The following SLC25A4 variants were observed in gnomAD, a reference collection of about 807,000 sequenced individuals.
The protein encoded by SLC25A4 is ADP/ATP translocase 1.
Under a neutral mutation model 24.7 loss-of-function variants are expected in SLC25A4, and 10 were observed. The observed-to-expected ratio is 0.41, with a 90% CI of 0.25 to 0.69. SLC25A4 has a LOEUF of 0.69. Ranked by LOEUF, SLC25A4 falls within the 30% of genes least tolerant of loss-of-function variation. The pLI is 0.35. For synonymous variants in SLC25A4, 125 were observed against 153.3 expected (o/e 0.82, Z 1.36); for missense variants, 273 against 387.6 (o/e 0.70, Z 2.48).
chr4:185,144,000 T>G, intron 1 of SLC25A4, among the ~76,000 whole-genome samples: 1 of 152,226 alleles, frequency 6.6e-6, no homozygotes, highest in Admixed American at 6.5e-5. Context: ...AAGCTGAGGT[T>G]TTGAAATATT....
rs1734414035 is a variant in SLC25A4, at chr4:185,145,069, C to T, written c.417C>T (p.Thr139=). The T allele has an allele frequency of 5.0e-6, 8 of 1,613,898 alleles. No individual in the cohort carries two copies. Among genetic ancestry groups the T allele is most frequent in the Non-Finnish European group, 6.8e-6 (8 of 1,179,924 alleles). The change falls in exon 2 of 4, where the codon ACC becomes ACT. Residue 139 remains threonine, a synonymous_variant. Transcript: ENST00000281456. This position sits in a 1 kb window ranked among gnomAD's most constrained non-coding sequence, Gnocchi z 5.5. The part of the protein sequence containing the change: ...CFVYPLDFAR[T]RLAADVGKGA... The stretch of plus-strand genomic sequence containing the variant: ...TCTACCCGCTGGACTTTGCTAGGAC[C>T]AGGTTGGCTGCTGATGTGGGCAAGG...
In SLC25A4 at chr4:185,143,433, G is replaced by T. The variant is rs1450971790; in HGVS notation, c.61G>T (p.Val21Phe). ...CCTGGCCGGGGGCGTCGCCGCTGCCGTCTCCAAGACCGCGGTCGCCCCCAT... is the reference window on the plus strand; with the variant it reads ...CCTGGCCGGGGGCGTCGCCGCTGCCTTCTCCAAGACCGCGGTCGCCCCCAT... ...DFLAGGVAAA[V>F]SKTAVAPIER... Residue 21 changes from valine (V) to phenylalanine (F), a missense_variant, in exon 1 of 4, where the codon GTC (valine) becomes TTC (phenylalanine). Physicochemically the swap from Val to Phe is conservative, Grantham distance 50 (BLOSUM62 -1). Transcript: ENST00000281456. 1.3e-6 allele frequency: 2 copies of T among 1,519,104 alleles called. No individual in the cohort carries two copies. The highest frequency in any genetic ancestry group is 2.1e-5 in the Admixed American group (1 of 48,096). 94.1% of individuals were successfully genotyped at this position (1,519,104 alleles called of 1,614,324 possible). A position where few individuals can be genotyped will look rare whatever the true frequency, so the allele number is the denominator to read the frequency against.
In SLC25A4 at chr4:185,146,846, T is replaced by C; in HGVS notation, c.772T>C (p.Trp258Arg). Residue 258 changes from tryptophan to arginine, a missense_variant, in exon 4 of 4, where the codon TGG becomes CGG. By Grantham distance (101) the Trp-to-Arg change is moderately radical. Coordinates refer to ENST00000281456, the MANE Select transcript of SLC25A4 (RefSeq NM_001151.4). The stretch of plus-strand genomic sequence containing the variant: ...TATGTACACGGGGACAGTTGACTGC[T>C]GGAGGAAGATTGCAAAAGACGAAGG... ...DIMYTGTVDC[W>R]RKIAKDEGAK... The C allele has an allele frequency of 6.2e-7, 1 of 1,614,246 alleles. No individual in the cohort carries two copies. Among genetic ancestry groups the C allele is most frequent in the Non-Finnish European group, 8.5e-7 (1 of 1,180,026 alleles).
rs1359924064 is a variant in SLC25A4, at chr4:185,143,279, C to G, written c.-94C>G. ...GGGCCAGGCGGCGGCCCCCTAGCGT[C>G]GCGCAGGGTCGGGGACTGCGCGGCG... On this transcript the variant is annotated 5_prime_UTR_variant, in exon 1 of 4. Transcript: ENST00000281456. 2.6e-5 allele frequency: 17 copies of G among 661,758 alleles called. No individual in the cohort carries two copies. The highest frequency in any genetic ancestry group is 4.2e-5 in the Non-Finnish European group (16 of 380,338). The allele number at this position is 661,758 out of a possible 1,614,324, so 41.0% of individuals were successfully genotyped here. A position where few individuals can be genotyped will look rare whatever the true frequency, so the allele number is the denominator to read the frequency against.
chr4:185,144,291 T>TAATAGAGGA (rs1734397989), intron 1 of SLC25A4, among the ~76,000 whole-genome samples: 1 of 152,192 alleles, frequency 6.6e-6, no homozygotes, highest in African/African-American at 2.4e-5. Flanking sequence ...TTCTCCTTCC[T>TAATAGAGGA]CTATTAGAGC....
At position 185,149,871 on chromosome 4, in the gene SLC25A4, A is replaced by C. The variant is rs1734508574; in HGVS notation, c.*2900A>C. Reference sequence around the variant, plus strand: ...CCTTATTTTGTATTTTAAATGTATGAGAAAAATTATGGAGGATGATGCAAG... The same window carrying C: ...CCTTATTTTGTATTTTAAATGTATGCGAAAAATTATGGAGGATGATGCAAG... On this transcript the variant is annotated 3_prime_UTR_variant, in exon 4 of 4. Coordinates refer to ENST00000281456, the MANE Select transcript of SLC25A4 (RefSeq NM_001151.4). The C allele has an allele frequency of 2.0e-5, 3 of 152,232 alleles. No homozygotes were observed. The allele number at this position is 152,232 out of a possible 1,614,324, so 9.4% of individuals were successfully genotyped here. A position where few individuals can be genotyped will look rare whatever the true frequency, so the allele number is the denominator to read the frequency against.
At position 185,145,184 on chromosome 4, in the gene SLC25A4, A is replaced by T. The variant is rs770164502; in HGVS notation, c.532A>T (p.Asn178Tyr). The T allele has an allele frequency of 6.2e-7, 1 of 1,614,090 alleles. No homozygotes were observed. The highest frequency in any genetic ancestry group is 1.1e-5 in the South Asian group (1 of 91,070). ...CCTGAGGGGGCTCTACCAGGGTTTC[A>T]ACGTCTCTGTCCAAGGCATCATTAT... Reference protein sequence around the residue: ...DGLRGLYQGFNVSVQGIIIYR... With the variant: ...DGLRGLYQGFYVSVQGIIIYR... The change falls in exon 2 of 4, where the codon AAC (asparagine) becomes TAC (tyrosine). Residue 178 changes from asparagine to tyrosine, a missense_variant. Transcript: ENST00000281456. The surrounding 1 kb of genome is among the most constrained non-coding windows in gnomAD (Gnocchi z 5.5).
chr4:185,143,533 GGGGCGCGCGATGCGGCGCGAGCTGCA>G, intron 1 of SLC25A4, 50 bp downstream of exon 1: 1 of 828,524 alleles, frequency 1.2e-6, no homozygotes, highest in Non-Finnish European at 1.5e-6. Flanking sequence ...CGGGCCGGGC[GGGGCGCGCGATGCGGCGCGAGCTGCA>G]GGGCGCGGGG....
Position 185,147,025 on chromosome 4 carries a change from C to G in SLC25A4, c.*54C>G. 6.5e-7 allele frequency: 1 copy of G among 1,528,630 alleles called. No individual in the cohort carries two copies. The highest frequency in any genetic ancestry group is 9.0e-7 in the Non-Finnish European group (1 of 1,107,474). The allele number at this position is 1,528,630 out of a possible 1,614,324, so 94.7% of individuals were successfully genotyped here. On this transcript the variant is annotated 3_prime_UTR_variant, in exon 4 of 4. Transcript: ENST00000281456. ...ACAGTGAACTTGATCTACAAGTTCA[C>G]AGATCCATTGTGTGGTTTAATAGAC... is the stretch of plus-strand genomic sequence containing the variant.
rs986478581 is a variant in SLC25A4 at position 185,149,800 on chromosome 4, T to C, written c.*2829T>C. On this transcript the variant is annotated 3_prime_UTR_variant, in exon 4 of 4. Coordinates refer to ENST00000281456, the MANE Select transcript of SLC25A4 (RefSeq NM_001151.4). ...CCCACCCCAATCACCTTTAGGTATTTTCTCCCCTAAAGCCTCACCTGTTGG... is the reference window on the plus strand; with the variant it reads ...CCCACCCCAATCACCTTTAGGTATTCTCTCCCCTAAAGCCTCACCTGTTGG... 3 of 152,246 alleles carry C rather than the reference T, an allele frequency of 2.0e-5. No homozygotes were observed. Among genetic ancestry groups the C allele is most frequent in the African/African-American group, 7.2e-5 (3 of 41,458 alleles). 9.4% of individuals were successfully genotyped at this position (152,246 alleles called of 1,614,324 possible). A position where few individuals can be genotyped will look rare whatever the true frequency, so the allele number is the denominator to read the frequency against.
Position 185,150,349 on chromosome 4 carries a change from A to G in SLC25A4, c.*3378A>G, listed in dbSNP as rs1339718654. On this transcript the variant is annotated 3_prime_UTR_variant, in exon 4 of 4. Transcript: ENST00000281456. ...AAAACTTACGGCTGCCTTAAATGCA[A>G]ATGTCAAGCCCTTAAATAAAATTTA... The G allele has an allele frequency of 2.0e-5, 3 of 152,234 alleles. No individual in the cohort carries two copies. The highest frequency in any genetic ancestry group is 3.8e-4 in the East Asian group (2 of 5,206). The allele number at this position is 152,234 out of a possible 1,614,324, so 9.4% of individuals were successfully genotyped here.
Position 185,143,268 on chromosome 4 carries a change from C to A in SLC25A4, c.-105C>A, listed in dbSNP as rs962364101. ...GGGGGAGCTGCGGGCCAGGCGGCGGCCCCCTAGCGTCGCGCAGGGTCGGGG... is the reference window on the plus strand; with the variant it reads ...GGGGGAGCTGCGGGCCAGGCGGCGGACCCCTAGCGTCGCGCAGGGTCGGGG... On this transcript the variant is annotated 5_prime_UTR_variant, in exon 1 of 4. Coordinates refer to ENST00000281456, the MANE Select transcript of SLC25A4 (RefSeq NM_001151.4). The A allele has an allele frequency of 8.4e-6, 5 of 595,436 alleles. No individual in the cohort carries two copies. The highest frequency in any genetic ancestry group is 1.5e-5 in the Non-Finnish European group (5 of 333,082). The allele number at this position is 595,436 out of a possible 1,614,324, so 36.9% of individuals were successfully genotyped here. A position where few individuals can be genotyped will look rare whatever the true frequency, so the allele number is the denominator to read the frequency against.
Position 185,145,428 on chromosome 4 carries a change from C to T in SLC25A4, c.598+178C>T, listed in dbSNP as rs947325261. 1 of 936,444 alleles carries T rather than the reference C, an allele frequency of 1.1e-6. No individual in the cohort carries two copies. The allele number at this position is 936,444 out of a possible 1,614,324, so 58.0% of individuals were successfully genotyped here. On this transcript the variant is annotated intron_variant, in intron 2 of 3. Transcript: ENST00000281456. The surrounding 1 kb of genome is among the most constrained non-coding windows in gnomAD (Gnocchi z 5.5). ...TAATAGCTGAAGCGTTCCTTGTGTC[C>T]TCTACTGAAATAAACTCTGGCCTTT...
At position 185,148,619 on chromosome 4, in the gene SLC25A4, T is replaced by C. The variant is rs1734486407; in HGVS notation, c.*1648T>C. ...GGGTATAGAAAGCATCCTCCAGTAC[T>C]TCTGTAACAATTTATCAAGACCTAC... is the stretch of plus-strand genomic sequence containing the variant. On this transcript the variant is annotated 3_prime_UTR_variant, in exon 4 of 4. Transcript: ENST00000281456. The C allele has an allele frequency of 6.6e-6, 1 of 152,044 alleles. No individual in the cohort carries two copies. The highest frequency in any genetic ancestry group is 2.4e-5 in the African/African-American group (1 of 41,410). The allele number at this position is 152,044 out of a possible 1,614,324, so 9.4% of individuals were successfully genotyped here. A position where few individuals can be genotyped will look rare whatever the true frequency, so the allele number is the denominator to read the frequency against.
Position 185,148,624 on chromosome 4 carries a change from T to TAACA in SLC25A4, c.*1655_*1658dup, listed in dbSNP as rs534066505. The stretch of plus-strand genomic sequence containing the variant: ...TAGAAAGCATCCTCCAGTACTTCTG[T>TAACA]AACAATTTATCAAGACCTACAGGAA... On this transcript the variant is annotated 3_prime_UTR_variant, in exon 4 of 4. Coordinates refer to ENST00000281456, the MANE Select transcript of SLC25A4 (RefSeq NM_001151.4). The TAACA allele has an allele frequency of 1.3e-5, 2 of 152,168 alleles. No individual in the cohort carries two copies. Among genetic ancestry groups the TAACA allele is most frequent in the East Asian group, 3.9e-4 (2 of 5,176 alleles). 9.4% of individuals were successfully genotyped at this position (152,168 alleles called of 1,614,324 possible).
In SLC25A4 at chr4:185,143,503, A is replaced by AGAGGCGGGCGCGGGC. The variant is rs1734381838; in HGVS notation, c.111+22_111+36dup. ...CTGCAGGTGAGGACCGCGCGGTGCA[A>AGAGGCGGGCGCGGGC]GAGGCGGGCGCGGGCGCGGCGGGCC... is the stretch of plus-strand genomic sequence containing the variant. On this transcript the variant is annotated intron_variant, in intron 1 of 3. Coordinates refer to ENST00000281456, the MANE Select transcript of SLC25A4 (RefSeq NM_001151.4). The AGAGGCGGGCGCGGGC allele has an allele frequency of 1.7e-6, 2 of 1,178,684 alleles. No individual in the cohort carries two copies. Among genetic ancestry groups the AGAGGCGGGCGCGGGC allele is most frequent in the African/African-American group, 3.2e-5 (2 of 62,014 alleles). 73.0% of individuals were successfully genotyped at this position (1,178,684 alleles called of 1,614,324 possible).
chr4:185,144,690 C>CTT (rs34795113), intron 1 of SLC25A4, 74 bp from the exon 2 acceptor site: 3,634 of 1,387,720 alleles, frequency 2.6e-3, no homozygotes, highest in Non-Finnish European at 3.1e-3. Flanking sequence ...AAGTGCAAAC[C>CTT]TTTTTTTTTC....
rs565436147 is a variant in SLC25A4, at chr4:185,148,053, C to A, written c.*1082C>A. ...ATAACAAGGTACTGTAGACTGATGG[C>A]TTATAAGCAACAGAAACTTATTTCT... On this transcript the variant is annotated 3_prime_UTR_variant, in exon 4 of 4. Coordinates refer to ENST00000281456, the MANE Select transcript of SLC25A4 (RefSeq NM_001151.4). 1.3e-5 allele frequency: 2 copies of A among 151,972 alleles called. No individual in the cohort carries two copies. Among genetic ancestry groups the A allele is most frequent in the Admixed American group, 6.6e-5 (1 of 15,262 alleles). The allele number at this position is 151,972 out of a possible 1,614,324, so 9.4% of individuals were successfully genotyped here. A position where few individuals can be genotyped will look rare whatever the true frequency, so the allele number is the denominator to read the frequency against.
In SLC25A4 at chr4:185,148,215, C is replaced by T. The variant is rs542650972; in HGVS notation, c.*1244C>T. 6.6e-6 allele frequency: 1 copy of T among 152,140 alleles called. No homozygotes were observed. Among genetic ancestry groups the T allele is most frequent in the African/African-American group, 2.4e-5 (1 of 41,504 alleles). The allele number at this position is 152,140 out of a possible 1,614,324, so 9.4% of individuals were successfully genotyped here. ...AGAGCGACAGAGCTCTCTGTAGTCCCTTTTATAAGCTCACTAATCCCATTC... is the reference window on the plus strand; with the variant it reads ...AGAGCGACAGAGCTCTCTGTAGTCCTTTTTATAAGCTCACTAATCCCATTC... On this transcript the variant is annotated 3_prime_UTR_variant, in exon 4 of 4. Coordinates refer to ENST00000281456, the MANE Select transcript of SLC25A4 (RefSeq NM_001151.4).
Sources: gnomAD v4.1 joint callset for allele counts (sites outside exome capture counted in the v4.1 genomes callset) on GRCh38, gnomAD v4.1.1 for gene constraint, Gnocchi (gnomAD v3.1) non-coding constraint, MANE v1.5 for transcripts, NCBI Gene and HGNC (gene_info 2026-07-23, HGNC 2026-07-21) for gene names.